CDH13: variants seen among roughly 807,000 people sequenced by gnomAD.
CDH13 encodes the protein cadherin-13.
CDH13 carries 24 observed loss-of-function variants against 63.8 expected under a neutral mutation model. That is an observed-to-expected ratio of 0.38 (90% CI 0.27 to 0.53). The LOEUF (loss-of-function observed/expected upper bound fraction) is 0.53, where lower values mean the gene tolerates loss of function less well. Among genes scored for constraint, CDH13 ranks in the 20% least tolerant of loss-of-function variants. The pLI, the probability that CDH13 is intolerant of heterozygous loss-of-function variation, is 0.85. For synonymous variants in CDH13, 503 were observed against 355.3 expected, an observed-to-expected ratio of 1.42 and a Z score of -4.67; for missense variants, 1,049 against 903.1, an observed-to-expected ratio of 1.16 and a Z score of -2.07.
rs955164492 is a variant in CDH13, at chr16:82,678,187, G to A, written c.45+51050G>A. The stretch of plus-strand genomic sequence containing the variant: ...AAACATGCTGTGTATTGGATGGATG[G>A]ATGGGAGGATGATTTATATTTTCAT... On this transcript the variant is annotated intron_variant, in intron 1 of 13. Coordinates refer to ENST00000567109, the MANE Select transcript of CDH13 (RefSeq NM_001257.5). Among the ~76,000 whole-genome samples the A allele has an allele frequency of 5.9e-5, 9 of 152,242 alleles. No individual in the cohort carries two copies. In the East Asian group the frequency reaches 9.7e-4, roughly 16 times the overall value.
chr16:83,202,415 G>C (rs934699608), intron 4 of CDH13, among the ~76,000 whole-genome samples: 1 of 152,100 alleles, frequency 6.6e-6, no homozygotes. Flanking sequence ...TCAATGGGGT[G>C]GGGGGCCCTG....
At chr16:83,558,032 A>C (rs1267340442) in intron 7 of CDH13, among the ~76,000 whole-genome samples, 2 of 152,176 alleles carry the variant, frequency 1.3e-5, no homozygotes, top group African/African-American at 4.8e-5. Flanking sequence ...ATGATTGTAC[A>C]GCTTTATATA....
At chr16:83,051,857 G>A in intron 3 of CDH13, among the ~76,000 whole-genome samples, 1 of 152,214 alleles carries the variant, frequency 6.6e-6, no homozygotes, top group East Asian at 1.9e-4. Context: ...TTACCCCTAA[G>A]AGACACAGCC....
chr16:83,281,353 A>G (rs144351522), intron 5 of CDH13, among the ~76,000 whole-genome samples: 2 of 152,322 alleles, frequency 1.3e-5, no homozygotes, highest in Non-Finnish European at 2.9e-5. Flanking sequence ...CAGCCTTTAT[A>G]GCACTGAAGA....
intron 1 of CDH13, among the ~76,000 whole-genome samples, chr16:82,723,454 G>T (rs962351513): frequency 3.9e-5 from 6 of 152,094 alleles, no homozygotes. Flanking sequence ...ACTGGATTCT[G>T]GTCTGTGGGA....
At chr16:83,035,212 G>T (rs1916740492) in intron 3 of CDH13, among the ~76,000 whole-genome samples, 1 of 152,182 alleles carries the variant, frequency 6.6e-6, no homozygotes, top group Non-Finnish European at 1.5e-5. Context: ...ACTGTGTGCA[G>T]CCAAGTGGGC....
chr16:83,000,264 T>A (rs1912748028), intron 2 of CDH13, among the ~76,000 whole-genome samples: 1 of 107,174 alleles, frequency 9.3e-6, no homozygotes, highest in Non-Finnish European at 1.9e-5. Flanking sequence ...TTTTTTTTTT[T>A]GAGACAGAGT....
chr16:82,825,456 C>G (rs1473748198), intron 1 of CDH13: 1 of 151,882 alleles, frequency 6.6e-6, no homozygotes, highest in Admixed American at 6.6e-5. Context: ...GAAACAAGAA[C>G]TTCTCATTAG....
At chr16:83,686,541 T>C (rs1458018358) in intron 10 of CDH13, among the ~76,000 whole-genome samples, 3 of 152,234 alleles carry the variant, frequency 2.0e-5, no homozygotes, top group African/African-American at 7.2e-5. Flanking sequence ...CTAAACCTAA[T>C]ATTTGCAAAA....
At chr16:83,087,480 C>G (rs983244592) in intron 3 of CDH13, among the ~76,000 whole-genome samples, 4 of 151,946 alleles carry the variant, frequency 2.6e-5, no homozygotes, top group East Asian at 1.9e-4. Context: ...CCAGCCTACC[C>G]AACATGTCGA....
chr16:82,674,849 A>G (rs774061495), intron 1 of CDH13, among the ~76,000 whole-genome samples: 4 of 152,338 alleles, frequency 2.6e-5, no homozygotes, highest in South Asian at 4.1e-4. Flanking sequence ...GATGACAAAG[A>G]ATAAGTTATC....
intron 3 of CDH13, among the ~76,000 whole-genome samples, chr16:83,037,748 G>T (rs1233867492): frequency 1.3e-5 from 2 of 152,158 alleles, no homozygotes; most frequent in African/African-American, 4.8e-5. Context: ...TTTGGCTTAT[G>T]TTGGACATGA....
At chr16:83,077,871 C>G (rs1452559953) in intron 3 of CDH13, among the ~76,000 whole-genome samples, 1 of 152,168 alleles carries the variant, frequency 6.6e-6, no homozygotes, top group Non-Finnish European at 1.5e-5. Context: ...TTTGCTGTTA[C>G]TGATCTTTTT....
intron 6 of CDH13, among the ~76,000 whole-genome samples, chr16:83,474,833 G>A (rs773433400): frequency 3.9e-5 from 6 of 152,200 alleles, no homozygotes; most frequent in Non-Finnish European, 7.3e-5. Context: ...GTGACTGTTT[G>A]ACTTCTGCCC....
chr16:82,950,255 C>G (rs1905154539), intron 2 of CDH13, among the ~76,000 whole-genome samples: 1 of 152,132 alleles, frequency 6.6e-6, no homozygotes, highest in Non-Finnish European at 1.5e-5. Context: ...ATAGCCGCAT[C>G]ATCCCAATCT....
chr16:83,304,069 A>T (rs1234110087), intron 5 of CDH13, among the ~76,000 whole-genome samples: 1 of 152,190 alleles, frequency 6.6e-6, no homozygotes, highest in South Asian at 2.1e-4. Context: ...TTAATTATTC[A>T]TGGAATTCCA....
intron 1 of CDH13, among the ~76,000 whole-genome samples, chr16:82,845,152 A>G (rs890146243): frequency 6.6e-6 from 1 of 152,194 alleles, no homozygotes; most frequent in East Asian, 1.9e-4. Flanking sequence ...CCAATATATT[A>G]AGGAATCCTT....
At position 83,144,303 on chromosome 16, in the gene CDH13, C is replaced by T. The variant is rs1005960340; in HGVS notation, c.483+18802C>T. On this transcript the variant is annotated intron_variant, in intron 4 of 13. Transcript: ENST00000567109. ...ACACTCTTCCAAATAGTTGAAGTTA[C>T]GTGTAAGTGAACACCACCTAACCAA... Among the ~76,000 whole-genome samples the T allele has an allele frequency of 5.3e-5, 8 of 152,140 alleles. No individual in the cohort carries two copies. The East Asian group carries it at 7.7e-4, about 15-fold the overall frequency.
chr16:82,838,317 C>T (rs533781798), intron 1 of CDH13, among the ~76,000 whole-genome samples: 3 of 152,258 alleles, frequency 2.0e-5, no homozygotes, highest in South Asian at 2.1e-4. Context: ...AGAACATGCC[C>T]GTCCTATTTA....
Sources: gnomAD v4.1 joint callset for allele counts (sites outside exome capture counted in the v4.1 genomes callset) on GRCh38, gnomAD v4.1.1 for gene constraint, MANE v1.5 for transcripts, NCBI Gene and HGNC (gene_info 2026-07-23, HGNC 2026-07-21) for gene names.